FHIT: variants seen among roughly 807,000 people sequenced by gnomAD.
FHIT encodes the protein fragile histidine triad diadenosine triphosphatase, also known as bis(5'-adenosyl)-triphosphatase.
FHIT carries 19 observed loss-of-function variants against 17.9 expected under a neutral mutation model. That is an observed-to-expected ratio of 1.06 (90% CI 0.74 to 1.56). The LOEUF (loss-of-function observed/expected upper bound fraction) is 1.56. Ranked by LOEUF, FHIT falls within the 40% of genes most tolerant of loss-of-function variation. FHIT has a pLI of 0.00. For synonymous variants in FHIT, 81 were observed against 69.7 expected (o/e 1.16, Z -0.81); for missense variants, 248 against 189.2 (o/e 1.31, Z -1.82).
chr3:60,294,107 G>A (rs1045138489), intron 5 of FHIT, among the ~76,000 whole-genome samples: 7 of 152,064 alleles, frequency 4.6e-5, no homozygotes, highest in Non-Finnish European at 5.9e-5. Flanking sequence ...TTCAGGGGTC[G>A]AAGAGGGAAT....
In FHIT at chr3:60,054,206, G is replaced by T. The variant is rs1575987663; in HGVS notation, c.104-40054C>A. ...TTCAAATTTCTTCAGAGAACTAAATGATAAGTTTGCAAACAATTACTGGAA... is the reference window on the plus strand; with the variant it reads ...TTCAAATTTCTTCAGAGAACTAAATTATAAGTTTGCAAACAATTACTGGAA... On this transcript the variant is annotated intron_variant, in intron 5 of 9. Coordinates refer to ENST00000492590, the MANE Select transcript of FHIT (RefSeq NM_002012.4). Among the ~76,000 whole-genome samples, 3 of 152,212 alleles carry T rather than the reference G, an allele frequency of 2.0e-5. No individual in the cohort carries two copies. The East Asian group carries it at 5.8e-4, about 29-fold the overall frequency.
chr3:60,608,392 T>C (rs969351942), intron 4 of FHIT, among the ~76,000 whole-genome samples: 3 of 152,140 alleles, frequency 2.0e-5, no homozygotes, highest in African/African-American at 7.2e-5. Context: ...AGATGATATA[T>C]GACACTCAAT....
chr3:59,802,785 C>T (rs938726397), intron 8 of FHIT, among the ~76,000 whole-genome samples: 12 of 152,240 alleles, frequency 7.9e-5, no homozygotes, highest in African/African-American at 2.4e-4. Flanking sequence ...CATTGAGGGC[C>T]AGAAACTAGT....
chr3:60,246,412 A>C (rs976686890), intron 5 of FHIT, among the ~76,000 whole-genome samples: 6 of 152,098 alleles, frequency 3.9e-5, no homozygotes, highest in African/African-American at 1.4e-4. Context: ...CAAACTAGAA[A>C]CAAACAGTTC....
At chr3:60,012,266 G>GTTTTTTTTTTTTT in intron 6 of FHIT, among the ~76,000 whole-genome samples, 1 of 112,482 alleles carries the variant, frequency 8.9e-6, no homozygotes, top group Non-Finnish European at 1.8e-5. Flanking sequence ...TTTTTTTGTT[G>GTTTTTTTTTTTTT]TTTTTTTTTT....
intron 5 of FHIT, among the ~76,000 whole-genome samples, chr3:60,419,002 T>C (rs978245100): frequency 6.6e-6 from 1 of 152,190 alleles, no homozygotes; most frequent in Admixed American, 6.5e-5. Flanking sequence ...GAATGGGAAG[T>C]ACCTATCCCA....
intron 5 of FHIT, among the ~76,000 whole-genome samples, chr3:60,027,086 G>C (rs1202020021): frequency 6.8e-6 from 1 of 145,988 alleles, no homozygotes. Context: ...GTGACAGAGT[G>C]AGTAAGACTG....
At chr3:60,914,038 G>C (rs573972784) in intron 3 of FHIT, among the ~76,000 whole-genome samples, 4 of 152,322 alleles carry the variant, frequency 2.6e-5, no homozygotes, top group African/African-American at 7.2e-5. Context: ...TTCTTGACGG[G>C]AGAAGAGGTC....
intron 4 of FHIT, among the ~76,000 whole-genome samples, chr3:60,548,759 C>T (rs1396238267): frequency 1.3e-5 from 2 of 152,174 alleles, no homozygotes; most frequent in African/African-American, 4.8e-5. Context: ...TGTACATTAA[C>T]GTTTGAAAAG....
chr3:60,073,471 C>T (rs1702871151), intron 5 of FHIT, among the ~76,000 whole-genome samples: 1 of 152,040 alleles, frequency 6.6e-6, no homozygotes, highest in African/African-American at 2.4e-5. Flanking sequence ...TGAATATAGG[C>T]TCTCATAGTA....
chr3:61,013,692 T>C (rs2031921859), intron 3 of FHIT, among the ~76,000 whole-genome samples: 1 of 152,158 alleles, frequency 6.6e-6, no homozygotes, highest in African/African-American at 2.4e-5. Context: ...GTGGATAATT[T>C]AAAGCAGCAA....
intron 3 of FHIT, among the ~76,000 whole-genome samples, chr3:60,942,108 C>G (rs1336186630): frequency 6.6e-6 from 1 of 152,092 alleles, no homozygotes; most frequent in Non-Finnish European, 1.5e-5. Flanking sequence ...CTCAGCCTCC[C>G]GAGTAGCTGG....
At chr3:60,416,065 T>C (rs1702239161) in intron 5 of FHIT, among the ~76,000 whole-genome samples, 1 of 151,544 alleles carries the variant, frequency 6.6e-6, no homozygotes, top group African/African-American at 2.4e-5. Flanking sequence ...TTAAGAGGCA[T>C]GTGATGCAGT....
At position 60,470,176 on chromosome 3, in the gene FHIT, C is replaced by G. The variant is rs562768242; in HGVS notation, c.103+66684G>C. ...GGTCAGAAATGAAGCCAGCCTAACA[C>G]TGGGTCTCACCCAAGGCCTACAACA... On this transcript the variant is annotated intron_variant, in intron 5 of 9. Coordinates refer to ENST00000492590, the MANE Select transcript of FHIT (RefSeq NM_002012.4). Among the ~76,000 whole-genome samples, 18 of 152,120 alleles carry G rather than the reference C, an allele frequency of 1.2e-4. 2 individuals carry two copies. In the South Asian group the frequency reaches 1.2e-3, roughly 11 times the overall value.
chr3:60,749,149 C>G (rs1322959310), intron 4 of FHIT, among the ~76,000 whole-genome samples: 5 of 152,110 alleles, frequency 3.3e-5, no homozygotes, highest in African/African-American at 1.2e-4. Context: ...AGTGGTCTCT[C>G]TGTCTTCTTC....
intron 5 of FHIT, among the ~76,000 whole-genome samples, chr3:60,454,317 T>A (rs577288489): frequency 3.2e-4 from 49 of 152,228 alleles, no homozygotes; most frequent in African/African-American, 1.1e-3. Context: ...CTATTTGTTG[T>A]TCTTGCAGCA....
chr3:60,293,874 T>C (rs1019604229), intron 5 of FHIT, among the ~76,000 whole-genome samples: 1 of 152,108 alleles, frequency 6.6e-6, no homozygotes, highest in African/African-American at 2.4e-5. Flanking sequence ...GGATGCATCA[T>C]TATGGGAGGT....
chr3:60,487,702 C>T (rs1274103132), intron 5 of FHIT, among the ~76,000 whole-genome samples: 1 of 152,176 alleles, frequency 6.6e-6, no homozygotes, highest in Non-Finnish European at 1.5e-5. Context: ...ATCAGAAATT[C>T]AAAACACTTC....
chr3:60,464,930 C>A (rs1231634250), intron 5 of FHIT, among the ~76,000 whole-genome samples: 1 of 152,118 alleles, frequency 6.6e-6, no homozygotes, highest in Non-Finnish European at 1.5e-5. Flanking sequence ...GAGTAACCTC[C>A]AAACTGTCCT....
Sources: gnomAD v4.1 joint callset for allele counts (sites outside exome capture counted in the v4.1 genomes callset) on GRCh38, gnomAD v4.1.1 for gene constraint, MANE v1.5 for transcripts, NCBI Gene and HGNC (gene_info 2026-07-23, HGNC 2026-07-21) for gene names.